The following CRPPA variants were observed in gnomAD, a reference collection of about 807,000 sequenced individuals.
CRPPA encodes D-ribitol-5-phosphate cytidylyltransferase.
CRPPA carries 43 observed loss-of-function variants against 52.0 expected under a neutral mutation model. The observed-to-expected ratio is 0.83, with a 90% CI of 0.65 to 1.07. The LOEUF is 1.07. Ranked by LOEUF, CRPPA falls within the 50% of genes least tolerant of loss-of-function variation. CRPPA has a pLI of 0.00. For synonymous variants in CRPPA, 250 were observed against 203.5 expected (o/e 1.23, Z -1.94); for missense variants, 629 against 551.7 (o/e 1.14, Z -1.40).
intron 1 of CRPPA, among the ~76,000 whole-genome samples, chr7:16,411,573 T>G (rs1788078872): frequency 6.6e-6 from 1 of 151,664 alleles, no homozygotes; most frequent in African/African-American, 2.4e-5. Flanking sequence ...TCAGGCACTA[T>G]ACTAGATACT....
chr7:16,241,218 C>A (rs1527208), intron 8 of CRPPA, among the ~76,000 whole-genome samples: 53,571 of 151,684 alleles, frequency 0.35, 10,160 homozygotes, highest in Admixed American at 0.44. Context: ...ATTTGCTGAC[C>A]TGTTCAAATA....
rs1458227496 is a variant in CRPPA, at chr7:16,216,185, C to G, written c.1132G>C (p.Asp378His). The change falls in exon 9 of 10, where the codon GAT (aspartate) becomes CAT (histidine). Residue 378 changes from aspartate to histidine, a missense_variant. Transcript: ENST00000407010. ...TGACTGGGAGGTACTAATTTAAAAT[C>G]AAGAAAATGAACCTGCAAAATATAA... The part of the protein sequence containing the change: ...PVVVVSVHFL[D>H]FKLVPPSQKM... 1 of 1,570,654 alleles carries G rather than the reference C, an allele frequency of 6.4e-7. No individual in the cohort carries two copies. The highest frequency in any genetic ancestry group is 1.4e-5 in the African/African-American group (1 of 73,340).
chr7:16,239,568 A>AAAC (rs1783049681), intron 8 of CRPPA, among the ~76,000 whole-genome samples: 1 of 149,026 alleles, frequency 6.7e-6, no homozygotes, highest in Non-Finnish European at 1.5e-5. Context: ...GCAAAAAAAA[A>AAAC]AAAAAAAAAA....
chr7:16,342,754 C>A (rs371520545), intron 3 of CRPPA, among the ~76,000 whole-genome samples: 2 of 5,454 alleles, frequency 3.7e-4, no homozygotes, highest in South Asian at 6.4e-3. Context: ...AGGATGAACC[C>A]TGTCTCCACA....
chr7:16,278,176 T>C lies in CRPPA; in HGVS notation c.886A>G (p.Lys296Glu). The C allele has an allele frequency of 6.3e-7, 1 of 1,582,302 alleles. No individual in the cohort carries two copies. The highest frequency in any genetic ancestry group is 1.8e-4 in the Middle Eastern group (1 of 5,478). The change falls in exon 6 of 10, where the codon AAA (lysine) becomes GAA (glutamate). Residue 296 changes from lysine to glutamate, a missense_variant. Physicochemically the swap from Lys to Glu is moderately conservative, Grantham distance 56. Coordinates refer to ENST00000407010, the MANE Select transcript of CRPPA (RefSeq NM_001101426.4). ...TCTTCAAGAAGATGACCTACATGTT[T>C]GTTATCTTCTTCTGTATCCATAACT... Reference protein sequence around the residue: ...CVVMDTEEDNKHVGHLLEEVL... With the variant: ...CVVMDTEEDNEHVGHLLEEVL...
chr7:16,171,104 C>G (rs180985485), intron 9 of CRPPA, among the ~76,000 whole-genome samples: 98 of 152,352 alleles, frequency 6.4e-4, no homozygotes, highest in Non-Finnish European at 1.1e-3. Context: ...CGAGTGAGGG[C>G]TGCCAGCACG....
intron 6 of CRPPA, among the ~76,000 whole-genome samples, chr7:16,264,888 G>C (rs985316998): frequency 1.3e-5 from 2 of 152,150 alleles, no homozygotes; most frequent in African/African-American, 4.8e-5. Context: ...AAGATCCCTG[G>C]GTTTGAATCT....
intron 9 of CRPPA, among the ~76,000 whole-genome samples, chr7:16,144,111 T>C (rs1282855812): frequency 3.9e-5 from 6 of 152,152 alleles, no homozygotes; most frequent in Non-Finnish European, 8.8e-5. Context: ...GACAGGCTTA[T>C]ACATTGATGA....
chr7:16,164,899 C>T (rs112436973), intron 9 of CRPPA, among the ~76,000 whole-genome samples: 31 of 152,194 alleles, frequency 2.0e-4, no homozygotes, highest in African/African-American at 7.5e-4. Flanking sequence ...AGAGGGGCAC[C>T]TGCCAGATGC....
At chr7:16,392,974 G>A (rs1485746994) in intron 2 of CRPPA, among the ~76,000 whole-genome samples, 1 of 151,960 alleles carries the variant, frequency 6.6e-6, no homozygotes, top group African/African-American at 2.4e-5. Context: ...TTTGTACTAT[G>A]TATAAAGAAA....
chr7:16,258,299 C>T, intron 8 of CRPPA, 91 bp downstream of exon 8: 3 of 749,742 alleles, frequency 4.0e-6, no homozygotes, highest in Non-Finnish European at 6.5e-6. Flanking sequence ...TGGGTCAATG[C>T]TCTCAATTGG....
At chr7:16,366,331 G>A (rs1786587409) in intron 3 of CRPPA, among the ~76,000 whole-genome samples, 1 of 152,092 alleles carries the variant, frequency 6.6e-6, no homozygotes, top group African/African-American at 2.4e-5. Context: ...ACACAAACAT[G>A]AACAAACATA....
At chr7:16,258,608 T>C in intron 7 of CRPPA, 126 bp from the exon 8 acceptor site, 3 of 633,726 alleles carry the variant, frequency 4.7e-6, no homozygotes, top group Non-Finnish European at 7.7e-6. Context: ...GTTTTTAATT[T>C]AGAAACAATT....
At chr7:16,277,230 T>A (rs942527993) in intron 6 of CRPPA, 1 of 151,952 alleles carries the variant, frequency 6.6e-6, no homozygotes, top group African/African-American at 2.4e-5. Flanking sequence ...TGTGCTATCA[T>A]GATAAAATTA....
In CRPPA at chr7:16,246,455, C is replaced by T. The variant is rs147258945; in HGVS notation, c.1119+11935G>A. ...CCCCATGAATCACGAATGTTCCTAA[C>T]GGCAACTAACAGGGTGAATCCTTTC... On this transcript the variant is annotated intron_variant, in intron 8 of 9. Coordinates refer to ENST00000407010, the MANE Select transcript of CRPPA (RefSeq NM_001101426.4). Among the ~76,000 whole-genome samples the T allele has an allele frequency of 7.3e-3, 1,112 of 152,288 alleles. 19 individuals carry two copies. Among genetic ancestry groups the T allele is most frequent in the African/African-American group, 0.026 (1,063 of 41,558 alleles).
At chr7:16,221,527 G>C (rs1180299686) in intron 8 of CRPPA, among the ~76,000 whole-genome samples, 5 of 151,896 alleles carry the variant, frequency 3.3e-5, no homozygotes, top group Admixed American at 6.6e-5. Context: ...AATGGGAGAA[G>C]ATTTTCACAA....
intron 3 of CRPPA, among the ~76,000 whole-genome samples, chr7:16,319,200 T>G (rs2128426983): frequency 6.6e-6 from 1 of 152,320 alleles, no homozygotes; most frequent in South Asian, 2.1e-4. Flanking sequence ...TTTTATGTGG[T>G]TTTCTGTATG....
chr7:16,121,925 C>G (rs1186699456), intron 9 of CRPPA, among the ~76,000 whole-genome samples: 1 of 152,028 alleles, frequency 6.6e-6, no homozygotes, highest in African/African-American at 2.4e-5. Flanking sequence ...GCTTTCTCTG[C>G]CGACATGTTT....
chr7:16,206,943 A>C (rs996786537), intron 9 of CRPPA, among the ~76,000 whole-genome samples: 2 of 152,138 alleles, frequency 1.3e-5, no homozygotes, highest in African/African-American at 4.8e-5. Context: ...CCAGTTGTCA[A>C]AGGTGAGTAA....
Sources: gnomAD v4.1 joint callset for allele counts (sites outside exome capture counted in the v4.1 genomes callset) on GRCh38, gnomAD v4.1.1 for gene constraint, MANE v1.5 for transcripts, NCBI Gene and HGNC (gene_info 2026-07-23, HGNC 2026-07-21) for gene names.